TNFSF4: variants seen among roughly 807,000 people sequenced by gnomAD.
The protein encoded by TNFSF4 is tumor necrosis factor ligand superfamily member 4.
Under a neutral mutation model 7.3 loss-of-function variants are expected in TNFSF4, and 4 were observed. The ratio of observed to expected loss-of-function variants is 0.55; its 90% CI spans 0.27 to 1.25. The LOEUF is 1.25. TNFSF4 is among the 50% of genes most tolerant of loss of function. The pLI is 0.12. For missense variants in TNFSF4, 181 were observed against 208.8 expected (o/e 0.87, Z 0.82); for synonymous variants, 76 against 83.7 (o/e 0.91, Z 0.50).
the TNFSF4 span, among the ~76,000 whole-genome samples, chr1:173,407,419 G>T: frequency 7.7e-4 from 117 of 151,952 alleles, 1 homozygote; most frequent in African/African-American, 2.6e-3. Context: ...AATTTGTCGG[G>T]TGTGGTCGCA....
At chr1:173,264,322 T>C in the TNFSF4 span, among the ~76,000 whole-genome samples, 1 of 143,396 alleles carries the variant, frequency 7.0e-6, no homozygotes, top group Non-Finnish European at 1.5e-5. Context: ...TTCTTCTTTT[T>C]TTTTTTTTTT....
At chr1:173,282,749 A>T in the TNFSF4 span, among the ~76,000 whole-genome samples, 2 of 152,144 alleles carry the variant, frequency 1.3e-5, no homozygotes, top group Non-Finnish European at 2.9e-5. Context: ...GAGCTACCAC[A>T]CTGGGCCTAA....
chr1:173,200,904 C>T (rs1344000460), intron 1 of TNFSF4, among the ~76,000 whole-genome samples: 1 of 152,180 alleles, frequency 6.6e-6, no homozygotes, highest in Non-Finnish European at 1.5e-5. Flanking sequence ...TGTCAAGAAG[C>T]ATGTGTTCTT....
At chr1:173,336,555 C>A in the TNFSF4 span, among the ~76,000 whole-genome samples, 3 of 152,136 alleles carry the variant, frequency 2.0e-5, no homozygotes, top group Non-Finnish European at 2.9e-5. Context: ...AGAAATACAC[C>A]TTCACTGTCT....
the TNFSF4 span, among the ~76,000 whole-genome samples, chr1:173,300,316 A>G: frequency 6.6e-6 from 1 of 151,858 alleles, no homozygotes; most frequent in Non-Finnish European, 1.5e-5. Flanking sequence ...GGAACTTCCT[A>G]TGAGGAATAG....
the TNFSF4 span, among the ~76,000 whole-genome samples, chr1:173,421,641 C>T: frequency 1.3e-5 from 2 of 151,984 alleles, no homozygotes; most frequent in Admixed American, 6.6e-5. Context: ...CTGATTTTCC[C>T]GTATCTGTCT....
chr1:173,301,020 C>A, the TNFSF4 span, among the ~76,000 whole-genome samples: 1 of 151,880 alleles, frequency 6.6e-6, no homozygotes, highest in East Asian at 1.9e-4. Context: ...CAAATGCTCA[C>A]TACAAAAATC....
At chr1:173,389,967 A>G in the TNFSF4 span, among the ~76,000 whole-genome samples, 6 of 152,106 alleles carry the variant, frequency 3.9e-5, no homozygotes, top group African/African-American at 1.4e-4. Context: ...AATAATCCCA[A>G]TATCTGAAAT....
intron 1 of TNFSF4, among the ~76,000 whole-genome samples, chr1:173,195,880 C>T (rs938694386): frequency 1.3e-5 from 2 of 152,150 alleles, no homozygotes; most frequent in Middle Eastern, 3.2e-3. Context: ...GAGGGAAACA[C>T]ATCTGGAGTG....
the TNFSF4 span, among the ~76,000 whole-genome samples, chr1:173,390,737 C>CTTTTTTTTTTTTTTTTTTTT: frequency 1.5e-5 from 2 of 131,600 alleles, no homozygotes; most frequent in Non-Finnish European, 3.1e-5. Flanking sequence ...CATTCTGCTT[C>CTTTTTTTTTTTTTTTTTTTT]TTTTTTTTTT....
chr1:173,372,274 C>T, the TNFSF4 span, among the ~76,000 whole-genome samples: 4 of 152,056 alleles, frequency 2.6e-5, no homozygotes, highest in Non-Finnish European at 5.9e-5. Flanking sequence ...CTATGGATCC[C>T]CGGATACAGC....
the TNFSF4 span, among the ~76,000 whole-genome samples, chr1:173,237,325 T>C: frequency 6.6e-6 from 1 of 152,182 alleles, no homozygotes; most frequent in South Asian, 2.1e-4. Flanking sequence ...AACTACATGA[T>C]TATCTCAATA....
chr1:173,357,845 C>T, the TNFSF4 span, among the ~76,000 whole-genome samples: 1 of 152,118 alleles, frequency 6.6e-6, no homozygotes, highest in African/African-American at 2.4e-5. Flanking sequence ...TCTTCCATCA[C>T]ACCACTCTGC....
the TNFSF4 span, among the ~76,000 whole-genome samples, chr1:173,308,285 C>CTCTCTCTGTGTGTG: frequency 3.0e-4 from 41 of 135,122 alleles, no homozygotes; most frequent in African/African-American, 1.0e-3. Flanking sequence ...CTCTCTCTCT[C>CTCTCTCTGTGTGTG]TGTGTGTGTG....
chr1:173,195,393 C>G (rs1461049994), intron 1 of TNFSF4, among the ~76,000 whole-genome samples: 1 of 152,184 alleles, frequency 6.6e-6, no homozygotes, highest in African/African-American at 2.4e-5. Context: ...ACTGTCCTGG[C>G]AAGGAACTGC....
At chr1:173,399,933 T>C in the TNFSF4 span, among the ~76,000 whole-genome samples, 84 of 152,330 alleles carry the variant, frequency 5.5e-4, no homozygotes, top group African/African-American at 1.9e-3. Flanking sequence ...CCCAAGGTGA[T>C]CAGATAGGTA....
chr1:173,369,985 G>A, the TNFSF4 span, among the ~76,000 whole-genome samples: 1 of 151,976 alleles, frequency 6.6e-6, no homozygotes, highest in African/African-American at 2.4e-5. Flanking sequence ...CCTCCACCCA[G>A]AAGGAAACAA....
the TNFSF4 span, among the ~76,000 whole-genome samples, chr1:173,438,306 T>G: frequency 2.0e-5 from 3 of 152,224 alleles, no homozygotes; most frequent in Non-Finnish European, 2.9e-5. Context: ...CTAGCAAGTT[T>G]CTTGTTAACT....
At chr1:173,298,011 A>T in the TNFSF4 span, among the ~76,000 whole-genome samples, 1 of 151,964 alleles carries the variant, frequency 6.6e-6, no homozygotes, top group Admixed American at 6.6e-5. Context: ...AGTCTGGGGA[A>T]GTCCAGGCTA....
Sources: gnomAD v4.1 joint callset for allele counts (sites outside exome capture counted in the v4.1 genomes callset) on GRCh38, gnomAD v4.1.1 for gene constraint, MANE v1.5 for transcripts, NCBI Gene and HGNC (gene_info 2026-07-23, HGNC 2026-07-21) for gene names.